Variants in COMMD1 observed in about 807,000 individuals in gnomAD.
The protein encoded by COMMD1 is COMM domain-containing protein 1.
Under a neutral mutation model 17.2 loss-of-function variants are expected in COMMD1, and 10 were observed. That is an observed-to-expected ratio of 0.58 (90% CI 0.36 to 0.99). COMMD1 has a LOEUF of 0.99. Among genes scored for constraint, COMMD1 ranks in the 50% least tolerant of loss-of-function variants. COMMD1 has a pLI of 0.01. For missense variants in COMMD1, 270 were observed against 231.8 expected (o/e 1.17, Z -1.07); for synonymous variants, 97 against 91.6 (o/e 1.06, Z -0.34).
chr2:62,119,642 C>G (rs1253462491), intron 2 of COMMD1, among the ~76,000 whole-genome samples: 4 of 152,190 alleles, frequency 2.6e-5, no homozygotes, highest in African/African-American at 9.7e-5. Context: ...CTATTTCTCC[C>G]TAATGGTGCT....
chr2:61,977,097 C>G (rs1671822479), intron 1 of COMMD1, among the ~76,000 whole-genome samples: 1 of 151,926 alleles, frequency 6.6e-6, no homozygotes. Flanking sequence ...GCTGGGATTA[C>G]AGGCATGAGC....
intron 1 of COMMD1, among the ~76,000 whole-genome samples, chr2:61,933,098 G>A (rs1267406846): frequency 6.6e-6 from 1 of 152,092 alleles, no homozygotes; most frequent in African/African-American, 2.4e-5. Flanking sequence ...GTGGGAAGAA[G>A]GTGATGTTTC....
chr2:62,103,673 C>T (rs1356571485), intron 2 of COMMD1, among the ~76,000 whole-genome samples: 2 of 152,176 alleles, frequency 1.3e-5, no homozygotes, highest in Admixed American at 6.5e-5. Flanking sequence ...CATCTTTATA[C>T]TACCCCTAAA....
chr2:62,044,411 T>G (rs1670323919), intron 2 of COMMD1, among the ~76,000 whole-genome samples: 1 of 152,210 alleles, frequency 6.6e-6, no homozygotes, highest in East Asian at 1.9e-4. Context: ...ATTTGCTGTT[T>G]GTGTATTCTG....
At chr2:62,104,105 T>G (rs1672258500) in intron 2 of COMMD1, among the ~76,000 whole-genome samples, 1 of 152,128 alleles carries the variant, frequency 6.6e-6, no homozygotes. Flanking sequence ...CCTCCCAAAG[T>G]GCTAAGATTA....
At chr2:62,056,133 G>A (rs1300502435) in intron 2 of COMMD1, among the ~76,000 whole-genome samples, 3 of 152,182 alleles carry the variant, frequency 2.0e-5, no homozygotes, top group African/African-American at 7.2e-5. Context: ...CACTACTTGG[G>A]TCAAAGAGTT....
intron 2 of COMMD1, among the ~76,000 whole-genome samples, chr2:62,076,292 C>T (rs547711221): frequency 4.4e-4 from 67 of 152,280 alleles, no homozygotes; most frequent in African/African-American, 1.5e-3. Context: ...GATTGTCAGA[C>T]GAGTGGACAG....
At chr2:61,933,235 ATGCTCAGCCGCTTGTATCCACAT>A (rs1465838563) in intron 1 of COMMD1, among the ~76,000 whole-genome samples, 1 of 151,072 alleles carries the variant, frequency 6.6e-6, no homozygotes, top group East Asian at 1.9e-4. Context: ...TGTATCCACA[ATGCTCAGCCGCTTGTATCCACAT>A]TGCTCAGCTG....
intron 2 of COMMD1, among the ~76,000 whole-genome samples, chr2:62,104,181 A>G (rs1672259922): frequency 6.6e-6 from 1 of 152,138 alleles, no homozygotes; most frequent in Non-Finnish European, 1.5e-5. Context: ...GGATAGTAAT[A>G]TGGGTTAGCA....
intron 2 of COMMD1, among the ~76,000 whole-genome samples, chr2:62,115,529 G>A (rs570016957): frequency 6.6e-6 from 1 of 152,330 alleles, no homozygotes; most frequent in Admixed American, 6.5e-5. Context: ...TCTAAATCCA[G>A]TGTGTGATTA....
chr2:61,943,372 A>AT (rs1023940738), intron 1 of COMMD1, among the ~76,000 whole-genome samples: 1 of 152,008 alleles, frequency 6.6e-6, no homozygotes, highest in Non-Finnish European at 1.5e-5. Context: ...TGTTTCCCAC[A>AT]TTTTTTCTTA....
chr2:61,909,768 A>G (rs924528273), intron 1 of COMMD1, among the ~76,000 whole-genome samples: 1 of 152,222 alleles, frequency 6.6e-6, no homozygotes, highest in African/African-American at 2.4e-5. Context: ...GTAGAAGCAA[A>G]GGAAGGAAGG....
chr2:61,922,393 C>T (rs970036350), intron 1 of COMMD1, among the ~76,000 whole-genome samples: 16 of 152,184 alleles, frequency 1.1e-4, no homozygotes, highest in African/African-American at 3.9e-4. Context: ...TATTGGCTCA[C>T]TGCAACCTCT....
chr2:61,919,979 A>G (rs1414324356), intron 1 of COMMD1, among the ~76,000 whole-genome samples: 1 of 152,094 alleles, frequency 6.6e-6, no homozygotes, highest in Admixed American at 6.6e-5. Flanking sequence ...AATAAAAAAA[A>G]TCAGCCAGGC....
chr2:61,935,655 C>T (rs1268396300), intron 1 of COMMD1, among the ~76,000 whole-genome samples: 1 of 151,946 alleles, frequency 6.6e-6, no homozygotes, highest in Non-Finnish European at 1.5e-5. Flanking sequence ...TAAAATTTCT[C>T]TGTACAGTCA....
intron 2 of COMMD1, among the ~76,000 whole-genome samples, chr2:62,008,383 C>T (rs1669184174): frequency 6.7e-6 from 1 of 149,384 alleles, no homozygotes; most frequent in African/African-American, 2.5e-5. Flanking sequence ...CACACACACA[C>T]ACACACATAT....
intron 2 of COMMD1, among the ~76,000 whole-genome samples, chr2:62,099,795 T>C (rs945861324): frequency 6.6e-6 from 1 of 151,974 alleles, no homozygotes; most frequent in Admixed American, 6.5e-5. Flanking sequence ...GCCTTCTTAA[T>C]ATTTGTTGGG....
chr2:62,037,667 G>A (rs1407318711), intron 2 of COMMD1, among the ~76,000 whole-genome samples: 1 of 152,182 alleles, frequency 6.6e-6, no homozygotes, highest in Non-Finnish European at 1.5e-5. Flanking sequence ...GCCCATCATG[G>A]GGGAGGGAGA....
chr2:62,124,709 C>T (rs1255669832), intron 2 of COMMD1, among the ~76,000 whole-genome samples: 1 of 151,972 alleles, frequency 6.6e-6, no homozygotes. Flanking sequence ...GCCACCAAGC[C>T]CGGCTAATTT....
Sources: gnomAD v4.1 joint callset for allele counts (sites outside exome capture counted in the v4.1 genomes callset) on GRCh38, gnomAD v4.1.1 for gene constraint, MANE v1.5 for transcripts, NCBI Gene and HGNC (gene_info 2026-07-23, HGNC 2026-07-21) for gene names.